Variants in AGBL4 observed in about 807,000 individuals in gnomAD.
The protein encoded by AGBL4 is cytosolic carboxypeptidase 6.
AGBL4 carries 58 observed loss-of-function variants against 66.4 expected under a neutral mutation model. The observed-to-expected ratio is 0.87, with a 90% CI of 0.71 to 1.09. The LOEUF (loss-of-function observed/expected upper bound fraction) is 1.09, where lower values mean the gene tolerates loss of function less well. AGBL4 is among the 50% of genes least tolerant of loss of function. AGBL4 has a pLI of 0.00. For missense variants in AGBL4, 579 were observed against 631.0 expected, an observed-to-expected ratio of 0.92 and a Z score of 0.88; for synonymous variants, 234 against 222.9, an observed-to-expected ratio of 1.05 and a Z score of -0.44.
At chr1:48,968,830 C>T (rs185497286) in intron 5 of AGBL4, among the ~76,000 whole-genome samples, 5 of 152,194 alleles carry the variant, frequency 3.3e-5, no homozygotes, top group Admixed American at 1.3e-4. Context: ...GAAAACCAGA[C>T]GGCATTCAGC....
chr1:49,617,379 C>T (rs543349163), intron 3 of AGBL4, among the ~76,000 whole-genome samples: 1 of 152,272 alleles, frequency 6.6e-6, no homozygotes, highest in South Asian at 2.1e-4. Flanking sequence ...ATCTCCATCC[C>T]TATACCCTCT....
chr1:49,599,929 C>T (rs1351393802), intron 3 of AGBL4, among the ~76,000 whole-genome samples: 1 of 152,072 alleles, frequency 6.6e-6, no homozygotes, highest in African/African-American at 2.4e-5. Flanking sequence ...TTTGAATTAG[C>T]TTCTTAATCC....
At chr1:49,834,984 A>C (rs988633168) in intron 2 of AGBL4, among the ~76,000 whole-genome samples, 1 of 152,274 alleles carries the variant, frequency 6.6e-6, no homozygotes, top group East Asian at 1.9e-4. Context: ...GGAATGTTTT[A>C]CTTCCAATTA....
At chr1:49,488,444 G>A (rs1327312673) in intron 3 of AGBL4, among the ~76,000 whole-genome samples, 2 of 151,128 alleles carry the variant, frequency 1.3e-5, no homozygotes, top group African/African-American at 4.9e-5. Flanking sequence ...ATAATTACGG[G>A]ATAATGAGAC....
chr1:49,858,601 T>A (rs1178604489), intron 1 of AGBL4, among the ~76,000 whole-genome samples: 3 of 152,018 alleles, frequency 2.0e-5, no homozygotes, highest in Admixed American at 6.6e-5. Context: ...AATAAGAGAA[T>A]GTAGACTTAA....
chr1:48,946,166 T>C (rs1656489797), intron 5 of AGBL4, among the ~76,000 whole-genome samples: 1 of 152,172 alleles, frequency 6.6e-6, no homozygotes, highest in African/African-American at 2.4e-5. Flanking sequence ...ATCTTAGTTG[T>C]TAATGTCTGA....
intron 5 of AGBL4, among the ~76,000 whole-genome samples, chr1:49,040,284 C>T (rs1457408418): frequency 1.3e-5 from 2 of 151,976 alleles, no homozygotes; most frequent in African/African-American, 4.8e-5. Context: ...GATATACCCA[C>T]TAAAAGGCTA....
At chr1:48,810,800 C>G (rs550751105) in intron 6 of AGBL4, among the ~76,000 whole-genome samples, 1 of 152,184 alleles carries the variant, frequency 6.6e-6, no homozygotes, top group African/African-American at 2.4e-5. Context: ...TTCTCATGTT[C>G]TCTCATCTGA....
intron 3 of AGBL4, among the ~76,000 whole-genome samples, chr1:49,350,242 C>T (rs1211782247): frequency 5.1e-5 from 7 of 136,204 alleles, no homozygotes; most frequent in African/African-American, 1.4e-4. Context: ...CTCGCTCTGT[C>T]GCCCAGGCTG....
chr1:49,499,192 T>G (rs553203045), intron 3 of AGBL4, among the ~76,000 whole-genome samples: 2 of 151,974 alleles, frequency 1.3e-5, no homozygotes, highest in Non-Finnish European at 2.9e-5. Flanking sequence ...ATGGGTTTTC[T>G]TTTATGGGAC....
At chr1:48,967,359 C>T (rs1658531900) in intron 5 of AGBL4, among the ~76,000 whole-genome samples, 1 of 152,110 alleles carries the variant, frequency 6.6e-6, no homozygotes, top group African/African-American at 2.4e-5. Flanking sequence ...TTCATTCATT[C>T]TACACTTAAC....
At chr1:48,615,848 G>C (rs1383847080) in intron 9 of AGBL4, among the ~76,000 whole-genome samples, 1 of 152,176 alleles carries the variant, frequency 6.6e-6, no homozygotes. Context: ...CTTGAGGTGG[G>C]AAGTCCAAGA....
intron 3 of AGBL4, among the ~76,000 whole-genome samples, chr1:49,476,008 G>A (rs1329009845): frequency 6.6e-6 from 1 of 151,970 alleles, no homozygotes; most frequent in Non-Finnish European, 1.5e-5. Flanking sequence ...TGCTTTAGGT[G>A]TGAGGTTGGG....
chr1:49,277,009 C>T (rs1644181019), intron 3 of AGBL4, among the ~76,000 whole-genome samples: 1 of 151,156 alleles, frequency 6.6e-6, no homozygotes, highest in Non-Finnish European at 1.5e-5. Flanking sequence ...TTTAATGTTT[C>T]AGTAATCAAA....
intron 4 of AGBL4, among the ~76,000 whole-genome samples, chr1:49,117,845 T>C (rs984364646): frequency 6.6e-6 from 1 of 152,164 alleles, no homozygotes; most frequent in African/African-American, 2.4e-5. Flanking sequence ...ATTCTTCCTA[T>C]CCATGAGCAT....
At chr1:48,908,980 A>G (rs1305590700) in intron 5 of AGBL4, among the ~76,000 whole-genome samples, 1 of 151,400 alleles carries the variant, frequency 6.6e-6, no homozygotes, top group Non-Finnish European at 1.5e-5. Flanking sequence ...CCCTCCAAAC[A>G]CTATGCTGTT....
chr1:49,557,366 G>C (rs1451676835), intron 3 of AGBL4, among the ~76,000 whole-genome samples: 1 of 152,100 alleles, frequency 6.6e-6, no homozygotes, highest in African/African-American at 2.4e-5. Context: ...TCATATTGTT[G>C]AAAGAGGCAT....
chr1:49,259,383 C>A (rs966195900), intron 3 of AGBL4, among the ~76,000 whole-genome samples: 2 of 152,106 alleles, frequency 1.3e-5, no homozygotes. Context: ...AGAGTCAAGA[C>A]CCATCAGTGT....
chr1:49,742,467 C>A (rs556947002), intron 2 of AGBL4, among the ~76,000 whole-genome samples: 1 of 151,776 alleles, frequency 6.6e-6, no homozygotes. Context: ...ATGAAAATGG[C>A]CATACTGCCC....
Sources: allele counts gnomAD v4.1 joint callset (sites outside exome capture counted in the v4.1 genomes callset), GRCh38; gene constraint gnomAD v4.1.1; transcripts MANE v1.5; gene names NCBI Gene and HGNC (gene_info 2026-07-23, HGNC 2026-07-21).